RMP64: variants seen among roughly 807,000 people sequenced by gnomAD.
The protein encoded by RMP64 is ribonuclease MRP subunit p64, also known as nucleolus and neural progenitor protein.
At chr3:113,005,886 G>A in the RMP64 span, 15 of 1,613,462 alleles carry the variant, frequency 9.3e-6, no homozygotes, top group East Asian at 4.5e-5. Context: ...CTTTGTCTCC[G>A]TAAAAATTTA....
chr3:113,004,710 A>G, the RMP64 span: 1 of 152,240 alleles, frequency 6.6e-6, no homozygotes, highest in Non-Finnish European at 1.5e-5. Flanking sequence ...CCCCTATCAG[A>G]TGACAGCATC....
the RMP64 span, chr3:113,012,652 A>G: frequency 8.5e-6 from 7 of 823,514 alleles, no homozygotes; most frequent in South Asian, 6.1e-5. Flanking sequence ...CCATAAGAAA[A>G]TAAGTTTGAA....
the RMP64 span, chr3:113,011,287 G>C: frequency 6.2e-7 from 1 of 1,613,632 alleles, no homozygotes; most frequent in African/African-American, 1.3e-5. Context: ...AGTGATATCA[G>C]AAGGAAAGGT....
At chr3:113,017,496 G>C in the RMP64 span, 1 of 1,614,040 alleles carries the variant, frequency 6.2e-7, no homozygotes, top group East Asian at 2.2e-5. Flanking sequence ...TGTTGTGATT[G>C]CTGTAAAGGA....
the RMP64 span, chr3:113,011,128 G>A: frequency 6.2e-7 from 1 of 1,612,388 alleles, no homozygotes; most frequent in Non-Finnish European, 8.5e-7. Flanking sequence ...AGCTTTTTTT[G>A]AAATTCCAAG....
chr3:113,008,621 C>T, the RMP64 span: 1 of 494,750 alleles, frequency 2.0e-6, no homozygotes, highest in Non-Finnish European at 3.6e-6. Flanking sequence ...AATACGTACC[C>T]CATAAATATA....
At chr3:113,005,416 A>G in the RMP64 span, 14 of 656,680 alleles carry the variant, frequency 2.1e-5, no homozygotes, top group Admixed American at 5.1e-5. Flanking sequence ...CTCCTGTGCA[A>G]TGCTGCACTA....
At chr3:113,017,094 T>C in the RMP64 span, among the ~76,000 whole-genome samples, 8 of 152,204 alleles carry the variant, frequency 5.3e-5, 1 homozygote, top group Admixed American at 5.2e-4. Flanking sequence ...CAGGGAACTG[T>C]TTCTTAATGT....
At chr3:113,017,372 T>C in the RMP64 span, 6 of 1,192,492 alleles carry the variant, frequency 5.0e-6, no homozygotes, top group Non-Finnish European at 7.1e-6. Flanking sequence ...TTTCCATAAA[T>C]AGCAATATAG....
the RMP64 span, among the ~76,000 whole-genome samples, chr3:113,009,241 T>C: frequency 6.6e-6 from 1 of 152,136 alleles, no homozygotes; most frequent in Non-Finnish European, 1.5e-5. Flanking sequence ...TATTTCTTTA[T>C]GAAAATATGC....
the RMP64 span, chr3:113,017,476 C>T: frequency 6.3e-5 from 101 of 1,613,452 alleles, no homozygotes; most frequent in Admixed American, 2.5e-4. Context: ...GGGTTTGTGG[C>T]GGCCCATTCT....
chr3:113,013,454 T>C, the RMP64 span: 1 of 1,276,224 alleles, frequency 7.8e-7, no homozygotes, highest in East Asian at 2.6e-5. Flanking sequence ...AAAAAGGGTT[T>C]TTTTTTTGTT....
the RMP64 span, among the ~76,000 whole-genome samples, chr3:113,018,084 G>C: frequency 6.6e-6 from 1 of 152,168 alleles, no homozygotes; most frequent in Non-Finnish European, 1.5e-5. Context: ...CTTTATGAGA[G>C]ACACAAACAT....
At chr3:113,005,718 T>C in the RMP64 span, 113 of 1,613,968 alleles carry the variant, frequency 7.0e-5, no homozygotes, top group Middle Eastern at 1.6e-4. Flanking sequence ...ACTCCACTAT[T>C]CAAGAGCTGC....
the RMP64 span, chr3:113,012,799 T>C: frequency 3.4e-4 from 549 of 1,602,496 alleles, no homozygotes; most frequent in Non-Finnish European, 4.6e-4. Context: ...AACCTAGATG[T>C]TTCACAGTCA....
At chr3:113,019,419 G>A in the RMP64 span, 1 of 739,658 alleles carries the variant, frequency 1.4e-6, no homozygotes, top group East Asian at 2.7e-5. Context: ...TACGTGCCCC[G>A]CGCCCCTTCC....
the RMP64 span, chr3:113,005,131 T>A: frequency 3.1e-3 from 683 of 221,886 alleles, 8 homozygotes; most frequent in African/African-American, 0.015. Flanking sequence ...AATTGACCTT[T>A]CAGGTGTTTC....
At chr3:113,012,234 A>G in the RMP64 span, among the ~76,000 whole-genome samples, 1 of 152,224 alleles carries the variant, frequency 6.6e-6, no homozygotes, top group South Asian at 2.1e-4. Flanking sequence ...AGTCTAGCAC[A>G]TAAGAAGGTC....
the RMP64 span, among the ~76,000 whole-genome samples, chr3:113,012,269 TAA>T: frequency 1.9e-4 from 29 of 152,322 alleles, no homozygotes; most frequent in African/African-American, 7.0e-4. Context: ...TCATTGCCAT[TAA>T]AAATTAGAAA....
Sources: allele counts gnomAD v4.1 joint callset (sites outside exome capture counted in the v4.1 genomes callset), GRCh38; gene constraint gnomAD v4.1.1; transcripts MANE v1.5; gene names NCBI Gene and HGNC (gene_info 2026-07-23, HGNC 2026-07-21).